The following CHST15 variants were observed in gnomAD, a reference collection of about 807,000 sequenced individuals.
The protein encoded by CHST15 is B cell RAG associated protein (GALNAC4S-6ST).
CHST15 carries 30 observed loss-of-function variants against 53.6 expected under a neutral mutation model. The observed-to-expected ratio is 0.56, with a 90% CI of 0.42 to 0.76. The LOEUF (loss-of-function observed/expected upper bound fraction) is 0.76. Ranked by LOEUF, CHST15 falls within the 30% of genes least tolerant of loss-of-function variation. The probability of loss-of-function intolerance (pLI) is 0.00; values close to 1 mark genes in which losing one functional copy is unlikely to be tolerated. For missense variants in CHST15, 627 were observed against 740.5 expected, an observed-to-expected ratio of 0.85 and a Z score of 1.78; for synonymous variants, 296 against 289.8, an observed-to-expected ratio of 1.02 and a Z score of -0.22.
chr10:124,013,757 GCCC>G (rs1946492105), intron 6 of CHST15, among the ~76,000 whole-genome samples: 1 of 152,130 alleles, frequency 6.6e-6, no homozygotes, highest in African/African-American at 2.4e-5. Context: ...TTGCTGTGAG[GCCC>G]CCTTCTCCAG....
At chr10:124,018,458 G>A (rs1946659681) in intron 6 of CHST15, among the ~76,000 whole-genome samples, 1 of 152,238 alleles carries the variant, frequency 6.6e-6, no homozygotes, top group South Asian at 2.1e-4. Flanking sequence ...ACGAATCCCT[G>A]TAAAGGGAAA....
rs140851708 is a variant in CHST15, at chr10:124,024,537, G to T, written c.1191-3125C>A. On this transcript the variant is annotated intron_variant, in intron 5 of 7. Coordinates refer to ENST00000435907, the MANE Select transcript of CHST15 (RefSeq NM_001270764.2). This position sits in a 1 kb window ranked among gnomAD's most constrained non-coding sequence, Gnocchi z 4.0. ...AAGAGACAGTCAGCAAAGGGGCTCG[G>T]TGGCCACTGAGTAGATTTCCCCAGA... is the stretch of plus-strand genomic sequence containing the variant. Among the ~76,000 whole-genome samples, 3 of 151,738 alleles carry T rather than the reference G, an allele frequency of 2.0e-5. No individual in the cohort carries two copies. Among genetic ancestry groups the T allele is most frequent in the African/African-American group, 7.3e-5 (3 of 41,326 alleles).
At chr10:124,086,228 T>A (rs754939081) in intron 1 of CHST15, among the ~76,000 whole-genome samples, 1 of 152,224 alleles carries the variant, frequency 6.6e-6, no homozygotes, top group Non-Finnish European at 1.5e-5. Flanking sequence ...TTTGACACAC[T>A]GTGGCCACTT....
rs760101660 is a variant in CHST15 at position 124,046,120 on chromosome 10, G to A, written c.93C>T (p.His31=). 3 of 1,614,104 alleles carry A rather than the reference G, an allele frequency of 1.9e-6. No homozygotes were observed. Among genetic ancestry groups the A allele is most frequent in the Non-Finnish European group, 2.5e-6 (3 of 1,180,048 alleles). Reference sequence around the variant, plus strand: ...CTCCTTTGCACGTGGGGCACGCCTGGTGACCGTGATGGGGGCCCCCTTGGC... The same window carrying A: ...CTCCTTTGCACGTGGGGCACGCCTGATGACCGTGATGGGGGCCCCCTTGGC... ...VNCQGGPHHG[H]QACPTCKGEN... is the part of the protein sequence containing the mutation. The change falls in exon 2 of 8, where the codon CAC becomes CAT. Residue 31 remains histidine (H), a synonymous_variant. Coordinates refer to ENST00000435907, the MANE Select transcript of CHST15 (RefSeq NM_001270764.2).
chr10:124,038,514 C>T lies in CHST15; in HGVS notation c.1190+1G>A. ...AAATACAACACACAGAAACTGCTCA[C>T]CTCTCCACAGGGTCCCTGAGCATGA... On this transcript the variant is annotated splice_donor_variant, in intron 5 of 7. Coordinates refer to ENST00000435907, the MANE Select transcript of CHST15 (RefSeq NM_001270764.2). LOFTEE classifies it high-confidence loss of function. The T allele has an allele frequency of 6.2e-7, 1 of 1,613,948 alleles. No individual in the cohort carries two copies. Among genetic ancestry groups the T allele is most frequent in the South Asian group, 1.1e-5 (1 of 91,090 alleles).
rs1554903204 is a variant in CHST15 at position 124,021,246 on chromosome 10, G to GGGGGGC, written c.1347+9_1347+10insGCCCCC. The GGGGGGC allele has an allele frequency of 5.8e-6, 9 of 1,562,632 alleles. No homozygotes were observed. The East Asian group carries it at 7.1e-5, about 12-fold the overall frequency. Reference sequence around the variant, plus strand: ...CCAGCTCGGGGGGTACGGGGGGGGGGGGTACACACAGGCATGGCGTTGTTG... The same window carrying GGGGGGC: ...CCAGCTCGGGGGGTACGGGGGGGGGGGGGGGCGGTACACACAGGCATGGCGTTGTTG... On this transcript the variant is annotated intron_variant, in intron 6 of 7. Coordinates refer to ENST00000435907, the MANE Select transcript of CHST15 (RefSeq NM_001270764.2).
chr10:124,066,984 G>T (rs1948769263), intron 1 of CHST15, among the ~76,000 whole-genome samples: 1 of 152,248 alleles, frequency 6.6e-6, no homozygotes, highest in African/African-American at 2.4e-5. Context: ...GCGCTCTGCA[G>T]CTGGGGCAGA....
At chr10:124,082,719 T>A (rs1481753385) in intron 1 of CHST15, among the ~76,000 whole-genome samples, 1 of 152,192 alleles carries the variant, frequency 6.6e-6, no homozygotes, top group Non-Finnish European at 1.5e-5. Flanking sequence ...ATCCCTGCGA[T>A]GGAATATTAT....
At chr10:124,021,509 T>C in intron 5 of CHST15, 97 bp from the exon 6 acceptor site, 1 of 1,515,542 alleles carries the variant, frequency 6.6e-7, no homozygotes, top group African/African-American at 1.4e-5. Context: ...CATTATCTAG[T>C]TTTCCTGATT....
chr10:124,020,518 A>T lies in CHST15; in HGVS notation c.1347+738T>A, dbSNP rs1455380683. ...GAGGGGGCAGAGCCTCTTGGCCTGA[A>T]GTCCCACCACCTGGGGGCTTCCAAG... On this transcript the variant is annotated intron_variant, in intron 6 of 7. Coordinates refer to ENST00000435907, the MANE Select transcript of CHST15 (RefSeq NM_001270764.2). 3.0e-6 allele frequency: 3 copies of T among 985,394 alleles called. No homozygotes were observed. The East Asian group carries it at 3.4e-4, about 112-fold the overall frequency. 61.0% of individuals were successfully genotyped at this position (985,394 alleles called of 1,614,324 possible). A position where few individuals can be genotyped will look rare whatever the true frequency, so the allele number is the denominator to read the frequency against.
In CHST15 at chr10:124,011,309, A is replaced by C. The variant is rs1946411989; in HGVS notation, c.1496-970T>G. On this transcript the variant is annotated intron_variant, in intron 7 of 7. Transcript: ENST00000435907. Reference sequence around the variant, plus strand: ...TATGAAACACAGAATTGGCCTTACTATCCATCTTGGGGACAAAAGACAAGC... The same window carrying C: ...TATGAAACACAGAATTGGCCTTACTCTCCATCTTGGGGACAAAAGACAAGC... 5.8e-6 allele frequency: 5 copies of C among 866,022 alleles called. No homozygotes were observed. The South Asian group carries it at 2.6e-4, about 46-fold the overall frequency. 53.6% of individuals were successfully genotyped at this position (866,022 alleles called of 1,614,324 possible).
At position 124,019,354 on chromosome 10, in the gene CHST15, T is replaced by C. The variant is rs1190810232; in HGVS notation, c.1347+1902A>G. Reference sequence around the variant, plus strand: ...TGCCTGCTCTCTCAGACTCACTCCGTAGGGGTCCAGGGCCAAGAGTCACAG... The same window carrying C: ...TGCCTGCTCTCTCAGACTCACTCCGCAGGGGTCCAGGGCCAAGAGTCACAG... On this transcript the variant is annotated intron_variant, in intron 6 of 7. Transcript: ENST00000435907. The surrounding 1 kb of genome is among the most constrained non-coding windows in gnomAD (Gnocchi z 4.6). Among the ~76,000 whole-genome samples, 1 of 152,084 alleles carries C rather than the reference T, an allele frequency of 6.6e-6. No individual in the cohort carries two copies. Among genetic ancestry groups the C allele is most frequent in the Non-Finnish European group, 1.5e-5 (1 of 67,998 alleles).
intron 1 of CHST15, among the ~76,000 whole-genome samples, chr10:124,090,847 A>G (rs1322812902): frequency 6.6e-6 from 1 of 152,200 alleles, no homozygotes; most frequent in African/African-American, 2.4e-5. Context: ...CCCCTGGACA[A>G]TATCCTGGAT....
intron 6 of CHST15, among the ~76,000 whole-genome samples, chr10:124,014,204 G>C (rs1349598778): frequency 6.6e-6 from 1 of 152,176 alleles, no homozygotes; most frequent in Non-Finnish European, 1.5e-5. Flanking sequence ...CCTTGACCTT[G>C]AGGGCAGGGA....
At chr10:124,076,694 T>C (rs905861400) in intron 1 of CHST15, among the ~76,000 whole-genome samples, 4 of 150,322 alleles carry the variant, frequency 2.7e-5, no homozygotes, top group Non-Finnish European at 5.9e-5. Context: ...CTGCTTTCCC[T>C]ATTTTTAAAT....
chr10:124,042,554 G>C (rs1947783114), intron 3 of CHST15, 107 bp from the exon 4 acceptor site: 37 of 1,267,280 alleles, frequency 2.9e-5, no homozygotes, highest in South Asian at 1.7e-4. Flanking sequence ...AAAGGGCCTG[G>C]CGACAGCAGC....
At chr10:124,044,104 G>T (rs1215178555) in intron 3 of CHST15, among the ~76,000 whole-genome samples, 3 of 151,400 alleles carry the variant, frequency 2.0e-5, no homozygotes, top group African/African-American at 7.3e-5. Context: ...GCAGGGAACG[G>T]CACAGAGCAG....
At chr10:124,027,565 C>G (rs556699572) in intron 5 of CHST15, among the ~76,000 whole-genome samples, 2 of 152,218 alleles carry the variant, frequency 1.3e-5, no homozygotes, top group Non-Finnish European at 2.9e-5. Flanking sequence ...CGCCAGGGCT[C>G]TGTGTGATTG....
chr10:124,044,039 G>A (rs1947848663), intron 3 of CHST15, among the ~76,000 whole-genome samples: 1 of 150,440 alleles, frequency 6.6e-6, no homozygotes, highest in Non-Finnish European at 1.5e-5. Flanking sequence ...GAGCAGCACA[G>A]AGCCAAGGAA....
Sources: allele counts gnomAD v4.1 joint callset (sites outside exome capture counted in the v4.1 genomes callset), GRCh38; gene constraint gnomAD v4.1.1; non-coding constraint Gnocchi (gnomAD v3.1); transcripts MANE v1.5; gene names NCBI Gene and HGNC (gene_info 2026-07-23, HGNC 2026-07-21).